The following DAB1 variants were observed in gnomAD, a reference collection of about 807,000 sequenced individuals.
DAB1 encodes the protein disabled homolog 1.
Under a neutral mutation model 64.6 loss-of-function variants are expected in DAB1, and 15 were observed. That is an observed-to-expected ratio of 0.23 (90% CI 0.16 to 0.36). DAB1 has a LOEUF of 0.36. DAB1 is among the 10% of genes least tolerant of loss of function. The pLI is 1.00. For missense variants in DAB1, 596 were observed against 706.7 expected (o/e 0.84, Z 1.78); for synonymous variants, 235 against 251.9 (o/e 0.93, Z 0.64).
At chr1:57,038,892 A>G (rs1647348342) in intron 9 of DAB1, among the ~76,000 whole-genome samples, 1 of 152,178 alleles carries the variant, frequency 6.6e-6, no homozygotes, top group African/African-American at 2.4e-5. Flanking sequence ...AGAAACGCAG[A>G]ACCCAGTGGA....
At chr1:57,684,356 A>T (rs1343466512) in intron 6 of DAB1, among the ~76,000 whole-genome samples, 1 of 152,172 alleles carries the variant, frequency 6.6e-6, no homozygotes, top group Non-Finnish European at 1.5e-5. Context: ...ATAAAAAAAA[A>T]ATCTTAAAGG....
At chr1:57,220,298 A>G (rs197617) in intron 2 of DAB1, among the ~76,000 whole-genome samples, 83,967 of 151,968 alleles carry the variant, frequency 0.55, 23,574 homozygotes, top group Admixed American at 0.63. Context: ...CATAGAGAGT[A>G]TGCTCTGAGC....
At chr1:57,645,326 G>C (rs535025138) in intron 7 of DAB1, among the ~76,000 whole-genome samples, 27 of 152,294 alleles carry the variant, frequency 1.8e-4, no homozygotes, top group Middle Eastern at 3.4e-3. Context: ...CCCAGGAGAA[G>C]CTTAGAAACC....
chr1:58,128,147 T>A (rs1158620922), intron 5 of DAB1, among the ~76,000 whole-genome samples: 1 of 152,142 alleles, frequency 6.6e-6, no homozygotes, highest in Non-Finnish European at 1.5e-5. Context: ...AGCAGTGGTT[T>A]GCAGTTCTCC....
At chr1:58,427,159 G>A (rs550075049) in intron 3 of DAB1, among the ~76,000 whole-genome samples, 158 of 152,124 alleles carry the variant, frequency 1.0e-3, no homozygotes, top group African/African-American at 3.5e-3. Context: ...CAGGGGTGTG[G>A]TTAGGGTTAT....
At chr1:57,653,565 T>C (rs938679877) in intron 6 of DAB1, among the ~76,000 whole-genome samples, 1 of 152,214 alleles carries the variant, frequency 6.6e-6, no homozygotes, top group African/African-American at 2.4e-5. Context: ...GTGAGATTTA[T>C]CAGTGGACTT....
chr1:57,617,051 G>C (rs1038435706), intron 7 of DAB1, among the ~76,000 whole-genome samples: 1 of 152,134 alleles, frequency 6.6e-6, no homozygotes, highest in African/African-American at 2.4e-5. Context: ...TAACTGCCTA[G>C]CCAGTGGACC....
At chr1:58,338,358 A>G (rs1557734908) in intron 4 of DAB1, among the ~76,000 whole-genome samples, 2 of 151,934 alleles carry the variant, frequency 1.3e-5, no homozygotes, top group Non-Finnish European at 2.9e-5. Context: ...ACCCTGCTGG[A>G]GTCCTTCATT....
intron 1 of DAB1, among the ~76,000 whole-genome samples, chr1:57,386,134 G>T (rs1298241632): frequency 1.3e-5 from 2 of 152,138 alleles, no homozygotes; most frequent in Non-Finnish European, 2.9e-5. Flanking sequence ...GTTAAGGGAA[G>T]TCAAGAGCTT....
intron 5 of DAB1, among the ~76,000 whole-genome samples, chr1:57,908,392 C>A (rs1395051871): frequency 6.6e-6 from 1 of 152,130 alleles, no homozygotes; most frequent in Non-Finnish European, 1.5e-5. Flanking sequence ...CCGATTTAAC[C>A]AATATAGATT....
chr1:58,508,867 T>C (rs1043109832), intron 2 of DAB1, among the ~76,000 whole-genome samples: 1 of 151,720 alleles, frequency 6.6e-6, no homozygotes, highest in African/African-American at 2.4e-5. Context: ...GTAGATCACG[T>C]GTCCAACATT....
chr1:57,327,756 C>T (rs1288909318), intron 1 of DAB1, among the ~76,000 whole-genome samples: 2 of 152,132 alleles, frequency 1.3e-5, no homozygotes, highest in East Asian at 3.9e-4. Flanking sequence ...GGCTGGGTAG[C>T]TCAACGGTGG....
intron 4 of DAB1, among the ~76,000 whole-genome samples, chr1:58,276,370 T>C (rs965939965): frequency 3.3e-5 from 5 of 152,336 alleles, no homozygotes; most frequent in African/African-American, 1.2e-4. Flanking sequence ...ATGTGGCCTC[T>C]TTTTCTCTCT....
At chr1:57,216,054 T>C (rs17115397) in intron 2 of DAB1, among the ~76,000 whole-genome samples, 11,463 of 152,184 alleles carry the variant, frequency 0.075, 1,189 homozygotes, top group African/African-American at 0.24. Context: ...TAGATGTCTT[T>C]GGCTTGCTCT....
At chr1:57,695,368 GAAAGAAAGAAAGAAAGAAAGAAAGAAAGA>G (rs1646822353) in intron 6 of DAB1, among the ~76,000 whole-genome samples, 28 of 48,590 alleles carry the variant, frequency 5.8e-4, no homozygotes, top group African/African-American at 3.0e-3. Context: ...AAAGAAGAAA[GAAAGAAAGAAAGAAAGAAAGAAAGAAAGA>G]AAGAAAGAAA....
At chr1:57,624,892 A>G (rs557474778) in intron 7 of DAB1, among the ~76,000 whole-genome samples, 3 of 152,344 alleles carry the variant, frequency 2.0e-5, no homozygotes, top group Non-Finnish European at 4.4e-5. Context: ...CCAATTTTGT[A>G]AGGTTAAATA....
At chr1:57,904,138 G>T (rs1324501997) in intron 5 of DAB1, among the ~76,000 whole-genome samples, 1 of 152,152 alleles carries the variant, frequency 6.6e-6, no homozygotes, top group Non-Finnish European at 1.5e-5. Context: ...TGATTTGGTG[G>T]ATCACAGGCC....
chr1:57,170,798 T>C (rs1661674892), intron 2 of DAB1, among the ~76,000 whole-genome samples: 1 of 152,124 alleles, frequency 6.6e-6, no homozygotes, highest in Non-Finnish European at 1.5e-5. Flanking sequence ...GATGTGAGTT[T>C]TGGAGGGGTC....
At chr1:58,311,957 T>C (rs1483416656) in intron 4 of DAB1, among the ~76,000 whole-genome samples, 1 of 152,178 alleles carries the variant, frequency 6.6e-6, no homozygotes, top group Non-Finnish European at 1.5e-5. Context: ...AGTTGCTGCA[T>C]AGTTGATGGC....
Sources: gnomAD v4.1 joint callset for allele counts (sites outside exome capture counted in the v4.1 genomes callset) on GRCh38, gnomAD v4.1.1 for gene constraint, MANE v1.5 for transcripts, NCBI Gene and HGNC (gene_info 2026-07-23, HGNC 2026-07-21) for gene names.